Variants in SYNDIG1 observed in about 807,000 individuals in gnomAD.
The protein encoded by SYNDIG1 is synapse differentiation-inducing gene protein 1.
SYNDIG1 carries 9 observed loss-of-function variants against 19.4 expected under a neutral mutation model. The ratio of observed to expected loss-of-function variants is 0.46; its 90% confidence interval spans 0.28 to 0.81. SYNDIG1 has a LOEUF of 0.81. Ranked by LOEUF, SYNDIG1 falls within the 30% of genes least tolerant of loss-of-function variation. The pLI, the probability that SYNDIG1 is intolerant of heterozygous loss-of-function variation, is 0.12. For missense variants in SYNDIG1, 311 were observed against 343.3 expected (o/e 0.91, Z 0.74); for synonymous variants, 141 against 145.9 (o/e 0.97, Z 0.24).
chr20:24,554,380 G>A lies in SYNDIG1; in HGVS notation c.480+10803G>A, dbSNP rs1207478061. 2.6e-5 allele frequency among the ~76,000 whole-genome samples: 4 copies of A among 152,300 alleles called. No individual in the cohort carries two copies. The East Asian group carries it at 7.7e-4, about 29-fold the overall frequency. On this transcript the variant is annotated intron_variant, in intron 2 of 3. Transcript: ENST00000376862. ...GATGAGAGAGGCATCACTGTCTTGT[G>A]CCAGTTTTCAAAGGGAATGCTTCCA...
At chr20:24,587,214 A>T in intron 3 of SYNDIG1, among the ~76,000 whole-genome samples, 1 of 152,262 alleles carries the variant, frequency 6.6e-6, no homozygotes, top group African/African-American at 2.4e-5. Flanking sequence ...CGTAGAGAGG[A>T]GCTCTCAGGG....
intron 1 of SYNDIG1, among the ~76,000 whole-genome samples, chr20:24,541,362 AT>A (rs1254493818): frequency 6.6e-6 from 1 of 152,196 alleles, no homozygotes; most frequent in Non-Finnish European, 1.5e-5. Flanking sequence ...CTCACCTGAT[AT>A]TCACCACGAC....
chr20:24,637,359 T>C (rs1294038036), intron 3 of SYNDIG1, among the ~76,000 whole-genome samples: 1 of 152,030 alleles, frequency 6.6e-6, no homozygotes, highest in Admixed American at 6.6e-5. Flanking sequence ...CCCTTCCACG[T>C]CCCCTCCCTC....
At chr20:24,638,241 C>T (rs2059335677) in intron 3 of SYNDIG1, among the ~76,000 whole-genome samples, 1 of 152,220 alleles carries the variant, frequency 6.6e-6, no homozygotes, top group Non-Finnish European at 1.5e-5. Context: ...AAGATGGATG[C>T]TGCAGGTGCA....
chr20:24,643,220 C>G (rs2059395162), intron 3 of SYNDIG1, among the ~76,000 whole-genome samples: 1 of 152,204 alleles, frequency 6.6e-6, no homozygotes, highest in Non-Finnish European at 1.5e-5. Context: ...AATGAGAAAC[C>G]TGGCTCCAAC....
chr20:24,533,761 C>T (rs1369375462), intron 1 of SYNDIG1, among the ~76,000 whole-genome samples: 2 of 152,264 alleles, frequency 1.3e-5, no homozygotes, highest in East Asian at 3.9e-4. Context: ...GCCCCTTTGG[C>T]CTGGCCTGAC....
chr20:24,515,658 A>G lies in SYNDIG1; in HGVS notation c.-78-27362A>G, dbSNP rs1317846339. ...GATGTGAAGGACCTCTTCAAGGAGA[A>G]CTACAAACCACTGCTCAATGAAATA... On this transcript the variant is annotated intron_variant, in intron 1 of 3. Coordinates refer to ENST00000376862, the MANE Select transcript of SYNDIG1 (RefSeq NM_024893.3). Among the ~76,000 whole-genome samples the G allele has an allele frequency of 2.6e-5, 4 of 152,102 alleles. No individual in the cohort carries two copies. The East Asian group carries it at 7.7e-4, about 29-fold the overall frequency.
At chr20:24,622,284 G>C (rs2059051099) in intron 3 of SYNDIG1, among the ~76,000 whole-genome samples, 1 of 152,214 alleles carries the variant, frequency 6.6e-6, no homozygotes, top group East Asian at 1.9e-4. Context: ...CAGTGACCTT[G>C]AGGATAGGTG....
intron 1 of SYNDIG1, among the ~76,000 whole-genome samples, chr20:24,524,866 G>A (rs763298877): frequency 6.6e-6 from 1 of 152,118 alleles, no homozygotes; most frequent in Non-Finnish European, 1.5e-5. Context: ...ACTTGGCCTT[G>A]TGGATCCTCT....
At position 24,469,719 on chromosome 20, in the gene SYNDIG1, C is replaced by G. The variant is rs2055359133; in HGVS notation, c.-113C>G. The G allele has an allele frequency of 1.3e-5, 2 of 151,842 alleles. No individual in the cohort carries two copies. The highest frequency in any genetic ancestry group is 6.6e-5 in the Admixed American group (1 of 15,218). 9.4% of individuals were successfully genotyped at this position (151,842 alleles called of 1,614,324 possible). On this transcript the variant is annotated 5_prime_UTR_variant, in exon 1 of 4. Coordinates refer to ENST00000376862, the MANE Select transcript of SYNDIG1 (RefSeq NM_024893.3). ...CGCTCGGGAGAGTCGCGGGCGGCCG[C>G]TTGGGCGCACTTGCCGGGTCACCTT...
At chr20:24,600,532 C>A (rs1012803776) in intron 3 of SYNDIG1, among the ~76,000 whole-genome samples, 1 of 151,896 alleles carries the variant, frequency 6.6e-6, no homozygotes, top group Non-Finnish European at 1.5e-5. Flanking sequence ...ACAGAACACA[C>A]TTTTCTTGCA....
At chr20:24,665,293 T>G (rs1343014165) in intron 3 of SYNDIG1, 53 bp from the exon 4 acceptor site, 31 of 1,559,750 alleles carry the variant, frequency 2.0e-5, no homozygotes, top group Non-Finnish European at 2.6e-5. Context: ...CTCCACTCAC[T>G]GCTTGTTCCG....
At chr20:24,569,150 A>C (rs1250144665) in intron 2 of SYNDIG1, among the ~76,000 whole-genome samples, 1 of 152,188 alleles carries the variant, frequency 6.6e-6, no homozygotes, top group Non-Finnish European at 1.5e-5. Flanking sequence ...ATTTCTGCAA[A>C]CTGAAAACTG....
At chr20:24,593,188 A>G (rs2147083458) in intron 3 of SYNDIG1, among the ~76,000 whole-genome samples, 1 of 152,276 alleles carries the variant, frequency 6.6e-6, no homozygotes, top group East Asian at 1.9e-4. Flanking sequence ...CCTGATAGAC[A>G]TCCTCCCCTC....
At chr20:24,565,168 T>A (rs2058021899) in intron 2 of SYNDIG1, among the ~76,000 whole-genome samples, 1 of 152,086 alleles carries the variant, frequency 6.6e-6, no homozygotes, top group African/African-American at 2.4e-5. Context: ...GGACAAGTAA[T>A]TAGAAATCCC....
At chr20:24,655,160 G>A (rs1600833985) in intron 3 of SYNDIG1, among the ~76,000 whole-genome samples, 1 of 152,216 alleles carries the variant, frequency 6.6e-6, no homozygotes, top group East Asian at 1.9e-4. Context: ...CAGAACACCA[G>A]GAGTGTGAAC....
chr20:24,552,857 T>TAG (rs1381747762), intron 2 of SYNDIG1, among the ~76,000 whole-genome samples: 7 of 152,250 alleles, frequency 4.6e-5, no homozygotes, highest in African/African-American at 1.7e-4. Context: ...ATGGTATTTC[T>TAG]AGTTCTAGAT....
intron 3 of SYNDIG1, among the ~76,000 whole-genome samples, chr20:24,587,598 C>A (rs189065562): frequency 4.2e-4 from 64 of 152,382 alleles, no homozygotes; most frequent in East Asian, 4.0e-3. Flanking sequence ...AGAACAGATG[C>A]AATCTGAGAA....
chr20:24,584,832 T>C (rs2058387646), intron 2 of SYNDIG1, 24 bp from the exon 3 acceptor site: 7 of 1,614,028 alleles, frequency 4.3e-6, no homozygotes, highest in Non-Finnish European at 5.9e-6. Flanking sequence ...TCTCCTGTCC[T>C]GTCCTGCTGG....
Sources: gnomAD v4.1 joint callset for allele counts (sites outside exome capture counted in the v4.1 genomes callset) on GRCh38, gnomAD v4.1.1 for gene constraint, MANE v1.5 for transcripts, NCBI Gene and HGNC (gene_info 2026-07-23, HGNC 2026-07-21) for gene names.